Variants in CA10 observed in about 807,000 individuals in gnomAD.
CA10 encodes carbonic anhydrase 10 (inactive), also known as carbonic anhydrase-related protein 10.
A neutral mutation model predicts 44.2 loss-of-function variants in CA10; 14 were observed. The ratio of observed to expected loss-of-function variants is 0.32; its 90% confidence interval spans 0.21 to 0.50. CA10 has a LOEUF of 0.50. Among genes scored for constraint, CA10 ranks in the 20% least tolerant of loss-of-function variants. CA10 has a pLI of 0.99. For synonymous variants in CA10, 159 were observed against 141.6 expected (o/e 1.12, Z -0.87); for missense variants, 350 against 409.7 (o/e 0.85, Z 1.26).
At chr17:52,065,737 T>C (rs913732308) in intron 2 of CA10, among the ~76,000 whole-genome samples, 3 of 152,226 alleles carry the variant, frequency 2.0e-5, no homozygotes, top group African/African-American at 7.2e-5. Flanking sequence ...AAGGCCTTAA[T>C]TCCCAGAGCT....
chr17:51,770,967 T>A lies in CA10; in HGVS notation c.280-23149A>T, dbSNP rs542075202. Among the ~76,000 whole-genome samples, 3 of 151,284 alleles carry A rather than the reference T, an allele frequency of 2.0e-5. No homozygotes were observed. In the East Asian group the frequency reaches 5.9e-4, roughly 30 times the overall value. On this transcript the variant is annotated intron_variant, in intron 3 of 8. Coordinates refer to ENST00000451037, the MANE Select transcript of CA10 (RefSeq NM_020178.5). ...GGTGAAACCCCATCTCTACTAAAAA[T>A]ACAAAAATTAGCCTGGCGTGGTGGT...
chr17:51,945,714 C>T (rs1374927111), intron 2 of CA10, among the ~76,000 whole-genome samples: 1 of 152,088 alleles, frequency 6.6e-6, no homozygotes, highest in Non-Finnish European at 1.5e-5. Context: ...TGGTCTTCCA[C>T]ACCTTGTCAC....
chr17:51,952,801 A>T (rs1003048003), intron 2 of CA10, among the ~76,000 whole-genome samples: 1 of 152,138 alleles, frequency 6.6e-6, no homozygotes, highest in Non-Finnish European at 1.5e-5. Flanking sequence ...TCCAAAGCAC[A>T]CACTGCCTTT....
intron 3 of CA10, among the ~76,000 whole-genome samples, chr17:51,805,076 C>T (rs891434490): frequency 6.6e-5 from 10 of 152,148 alleles, no homozygotes; most frequent in South Asian, 2.1e-4. Flanking sequence ...CTTGCTGGGA[C>T]GCCTGGTCTC....
chr17:51,966,277 T>C (rs1165880614), intron 2 of CA10, among the ~76,000 whole-genome samples: 1 of 151,992 alleles, frequency 6.6e-6, no homozygotes, highest in Non-Finnish European at 1.5e-5. Flanking sequence ...AAAATGGCCA[T>C]GCTGCCCAGT....
At chr17:51,882,700 C>G (rs1325350776) in intron 3 of CA10, among the ~76,000 whole-genome samples, 1 of 152,134 alleles carries the variant, frequency 6.6e-6, no homozygotes, top group East Asian at 1.9e-4. Flanking sequence ...GCTCAGCTCT[C>G]TTGTTCCTAC....
At chr17:51,955,026 A>C (rs1983614477) in intron 2 of CA10, among the ~76,000 whole-genome samples, 1 of 152,140 alleles carries the variant, frequency 6.6e-6, no homozygotes, top group Non-Finnish European at 1.5e-5. Flanking sequence ...CTTCCCACAG[A>C]ATACACTGCA....
chr17:51,812,117 A>C (rs933387931), intron 3 of CA10, among the ~76,000 whole-genome samples: 4 of 152,238 alleles, frequency 2.6e-5, no homozygotes, highest in African/African-American at 9.6e-5. Flanking sequence ...AGGTTGCTGC[A>C]GTCACTAATA....
chr17:51,796,066 T>C (rs1210423802), intron 3 of CA10, among the ~76,000 whole-genome samples: 2 of 152,128 alleles, frequency 1.3e-5, no homozygotes, highest in Admixed American at 6.5e-5. Context: ...GACTGGAACC[T>C]GGGGGTGCTG....
intron 3 of CA10, among the ~76,000 whole-genome samples, chr17:51,854,005 G>A (rs1303279821): frequency 1.3e-5 from 2 of 152,144 alleles, no homozygotes; most frequent in African/African-American, 4.8e-5. Flanking sequence ...TGGCCTTGGT[G>A]ACCTGTTATA....
chr17:51,788,627 A>C (rs1269258002), intron 3 of CA10, among the ~76,000 whole-genome samples: 1 of 152,206 alleles, frequency 6.6e-6, no homozygotes, highest in Non-Finnish European at 1.5e-5. Flanking sequence ...TATCAGCAAA[A>C]ATAATCTTTA....
At chr17:51,685,096 A>C (rs1914964695) in intron 4 of CA10, among the ~76,000 whole-genome samples, 1 of 152,222 alleles carries the variant, frequency 6.6e-6, no homozygotes, top group Non-Finnish European at 1.5e-5. Context: ...TCTCATGCTA[A>C]AAATACAAAT....
At chr17:52,097,183 T>A (rs990620073) in intron 1 of CA10, among the ~76,000 whole-genome samples, 1 of 152,102 alleles carries the variant, frequency 6.6e-6, no homozygotes, top group Non-Finnish European at 1.5e-5. Context: ...TTGGAACAAA[T>A]TAGATCTCTC....
At chr17:51,746,383 A>G (rs1904690184) in intron 4 of CA10, among the ~76,000 whole-genome samples, 1 of 152,246 alleles carries the variant, frequency 6.6e-6, no homozygotes, top group Non-Finnish European at 1.5e-5. Flanking sequence ...TAACATCCCA[A>G]GATCACACAG....
chr17:51,713,494 G>T (rs887020181), intron 4 of CA10, among the ~76,000 whole-genome samples: 2 of 152,106 alleles, frequency 1.3e-5, no homozygotes, highest in Non-Finnish European at 2.9e-5. Flanking sequence ...TACAAATTTT[G>T]GTTCTATATC....
intron 2 of CA10, among the ~76,000 whole-genome samples, chr17:52,037,684 T>C (rs766793170): frequency 1.4e-4 from 21 of 152,114 alleles, no homozygotes; most frequent in Non-Finnish European, 2.9e-4. Flanking sequence ...CAGATGACAC[T>C]AGACCAGCCT....
intron 1 of CA10, among the ~76,000 whole-genome samples, chr17:52,105,408 C>A (rs1260210461): frequency 6.6e-6 from 1 of 152,138 alleles, no homozygotes; most frequent in Non-Finnish European, 1.5e-5. Flanking sequence ...GCGCCTGCCA[C>A]CACACCCGGC....
chr17:51,753,091 C>G (rs1239533710), intron 3 of CA10, among the ~76,000 whole-genome samples: 1 of 152,094 alleles, frequency 6.6e-6, no homozygotes, highest in Non-Finnish European at 1.5e-5. Context: ...TGAAGTTCAT[C>G]CCAGGAGGAG....
intron 4 of CA10, among the ~76,000 whole-genome samples, chr17:51,685,360 C>A (rs1914972920): frequency 6.6e-6 from 1 of 152,108 alleles, no homozygotes; most frequent in Non-Finnish European, 1.5e-5. Flanking sequence ...GATGGGAGGG[C>A]TAGAGTGTCT....
Sources: allele counts gnomAD v4.1 joint callset (sites outside exome capture counted in the v4.1 genomes callset), GRCh38; gene constraint gnomAD v4.1.1; transcripts MANE v1.5; gene names NCBI Gene and HGNC (gene_info 2026-07-23, HGNC 2026-07-21).